GOT2: variants seen among roughly 807,000 people sequenced by gnomAD.
GOT2 encodes aspartate aminotransferase, mitochondrial.
GOT2 carries 17 observed loss-of-function variants against 50.0 expected under a neutral mutation model. The ratio of observed to expected loss-of-function variants is 0.34; its 90% confidence interval spans 0.23 to 0.51. The LOEUF is 0.51. GOT2 is among the 20% of genes least tolerant of loss of function. The pLI, the probability that GOT2 is intolerant of heterozygous loss-of-function variation, is 0.97. For missense variants in GOT2, 430 were observed against 559.6 expected (o/e 0.77, Z 2.34); for synonymous variants, 172 against 204.9 (o/e 0.84, Z 1.37).
chr16:58,734,160 G>T lies in GOT2; in HGVS notation c.69C>A (p.Ala23=). 7.5e-7 allele frequency: 1 copy of T among 1,333,056 alleles called. No individual in the cohort carries two copies. The allele number at this position is 1,333,056 out of a possible 1,614,324, so 82.6% of individuals were successfully genotyped here. A position where few individuals can be genotyped will look rare whatever the true frequency, so the allele number is the denominator to read the frequency against. Residue 23 remains alanine, a synonymous_variant, in exon 1 of 10, where the codon GCC becomes GCA. Transcript: ENST00000245206. ...IAAAFHPGLA[A]AASARASSWW... The stretch of plus-strand genomic sequence containing the variant: ...CTTACCTGGCTCTGGCAGAGGCCGC[G>T]GCGGCGAGGCCCGGGTGGAAGGCGG...
intron 8 of GOT2, among the ~76,000 whole-genome samples, chr16:58,713,515 A>G (rs1048652397): frequency 6.6e-6 from 1 of 152,122 alleles, no homozygotes; most frequent in Non-Finnish European, 1.5e-5. Context: ...ACAAAACAAA[A>G]AACAAAAAAA....
At chr16:58,709,158 A>C in intron 9 of GOT2, 1 of 303,338 alleles carries the variant, frequency 3.3e-6, no homozygotes, top group Non-Finnish European at 6.1e-6. Flanking sequence ...GCTGCTCGGG[A>C]GGCTGAGGCA....
chr16:58,725,686 T>C (rs2044777972), intron 1 of GOT2, among the ~76,000 whole-genome samples: 1 of 152,210 alleles, frequency 6.6e-6, no homozygotes, highest in Non-Finnish European at 1.5e-5. Flanking sequence ...CTGTAGAAGT[T>C]GTACTGCGTG....
rs952010066 is a variant in GOT2 at position 58,708,305 on chromosome 16, A to T, written c.1171-12T>A. 1 of 1,613,030 alleles carries T rather than the reference A, an allele frequency of 6.2e-7. No individual in the cohort carries two copies. Among genetic ancestry groups the T allele is most frequent in the Non-Finnish European group, 8.5e-7 (1 of 1,179,450 alleles). On this transcript the variant is annotated splice_polypyrimidine_tract_variant and intron_variant, in intron 9 of 9. Coordinates refer to ENST00000245206, the MANE Select transcript of GOT2 (RefSeq NM_002080.4). ...ATCAGCCGCTCCACCTGCAGAGAGGAAAGAACTTGGGTACCTCTTCCCGGT... is the reference window on the plus strand; with the variant it reads ...ATCAGCCGCTCCACCTGCAGAGAGGTAAGAACTTGGGTACCTCTTCCCGGT...
chr16:58,712,543 C>CAAT (rs920922829), intron 8 of GOT2, among the ~76,000 whole-genome samples: 9 of 151,924 alleles, frequency 5.9e-5, no homozygotes, highest in Non-Finnish European at 1.3e-4. Context: ...ACAACAACAA[C>CAAT]AACAAGAACA....
At chr16:58,711,072 T>A (rs911397977) in intron 8 of GOT2, among the ~76,000 whole-genome samples, 3 of 152,114 alleles carry the variant, frequency 2.0e-5, no homozygotes, top group Non-Finnish European at 2.9e-5. Flanking sequence ...GACCTTATTT[T>A]TGACATGGAT....
At chr16:58,715,172 C>T (rs1308122385) in intron 8 of GOT2, among the ~76,000 whole-genome samples, 1 of 152,112 alleles carries the variant, frequency 6.6e-6, no homozygotes, top group Non-Finnish European at 1.5e-5. Context: ...GACAGCAAGA[C>T]CCTGTCTCTA....
intron 1 of GOT2, 43 bp downstream of exon 1, chr16:58,734,097 C>T: frequency 8.6e-7 from 1 of 1,166,530 alleles, no homozygotes; most frequent in Non-Finnish European, 1.1e-6. Context: ...CTCGGCGGGG[C>T]AGGGCCATCG....
intron 2 of GOT2, among the ~76,000 whole-genome samples, 167 bp from the exon 3 acceptor site, chr16:58,722,445 A>T (rs763658426): frequency 7.3e-5 from 11 of 150,178 alleles, no homozygotes; most frequent in Middle Eastern, 3.5e-3. Flanking sequence ...ATCTCGGCTC[A>T]CTGCAACCTC....
intron 3 of GOT2, among the ~76,000 whole-genome samples, chr16:58,719,589 C>T (rs773320393): frequency 9.2e-5 from 14 of 151,942 alleles, no homozygotes; most frequent in Non-Finnish European, 1.6e-4. Context: ...GAGACCCTGT[C>T]TCTACTAAAA....
chr16:58,714,412 C>T (rs958573048), intron 8 of GOT2, among the ~76,000 whole-genome samples: 28 of 152,004 alleles, frequency 1.8e-4, no homozygotes, highest in Non-Finnish European at 2.8e-4. Context: ...ATTAGCCGGG[C>T]GTAGTGGCGG....
chr16:58,707,294 TCA>T lies in GOT2; in HGVS notation c.*875_*876del, dbSNP rs1004931125. The T allele has an allele frequency of 4.6e-5, 7 of 152,268 alleles. No homozygotes were observed. The highest frequency in any genetic ancestry group is 1.7e-4 in the African/African-American group (7 of 41,546). The allele number at this position is 152,268 out of a possible 1,614,324, so 9.4% of individuals were successfully genotyped here. A position where few individuals can be genotyped will look rare whatever the true frequency, so the allele number is the denominator to read the frequency against. ...CTGGTACCACCCTGCGCCGCTGGAC[TCA>T]CAGTGTGAGATGAGAGGCTGCACAC... On this transcript the variant is annotated 3_prime_UTR_variant, in exon 10 of 10. Transcript: ENST00000245206.
At chr16:58,716,855 A>C in intron 6 of GOT2, 42 bp from the exon 7 acceptor site, 1 of 1,584,336 alleles carries the variant, frequency 6.3e-7, no homozygotes, top group Non-Finnish European at 8.7e-7. Context: ...AGTCTTTCTG[A>C]AGAGGCCCCA....
intron 1 of GOT2, among the ~76,000 whole-genome samples, chr16:58,727,146 TC>T: frequency 6.6e-6 from 1 of 152,186 alleles, no homozygotes; most frequent in South Asian, 2.1e-4. Flanking sequence ...AGAGCAAGAC[TC>T]CGTCTCAATA....
intron 1 of GOT2, among the ~76,000 whole-genome samples, chr16:58,730,263 C>G (rs1277606177): frequency 6.6e-6 from 1 of 152,104 alleles, no homozygotes; most frequent in Non-Finnish European, 1.5e-5. Flanking sequence ...GTTTGGTGTA[C>G]AGATAATTTC....
rs768293796 is a variant in GOT2, at chr16:58,709,470, G to T, written c.1117C>A (p.His373Asn). 6.2e-7 allele frequency: 1 copy of T among 1,614,032 alleles called. No homozygotes were observed. ...AACATGCCAATTTGGTCGGTGATGTGTTGCCAATTGTGGGTGGAACCCTCC... is the reference window on the plus strand; with the variant it reads ...AACATGCCAATTTGGTCGGTGATGTTTTGCCAATTGTGGGTGGAACCCTCC... The part of the protein sequence containing the change: ...KKEGSTHNWQ[H>N]ITDQIGMFCF... Residue 373 changes from histidine to asparagine, a missense_variant, in exon 9 of 10, where the codon CAC becomes AAC. By Grantham distance (68) the His-to-Asn change is moderately conservative (BLOSUM62 1). Coordinates refer to ENST00000245206, the MANE Select transcript of GOT2 (RefSeq NM_002080.4).
intron 8 of GOT2, 32 bp from the exon 9 acceptor site, chr16:58,709,599 T>A: frequency 6.3e-7 from 1 of 1,597,790 alleles, no homozygotes; most frequent in Non-Finnish European, 8.6e-7. Context: ...CAGCTCATTC[T>A]GCCTAAGCAC....
At chr16:58,718,339 T>C (rs756525950) in intron 5 of GOT2, 39 bp from the exon 6 acceptor site, 15 of 1,523,152 alleles carry the variant, frequency 9.8e-6, no homozygotes, top group Non-Finnish European at 5.5e-6. Flanking sequence ...TTTGCAGCTT[T>C]AAAGGAAATG....
intron 4 of GOT2, 41 bp from the exon 5 acceptor site, chr16:58,718,729 G>T: frequency 6.7e-7 from 1 of 1,488,006 alleles, no homozygotes; most frequent in South Asian, 1.3e-5. Flanking sequence ...ATGAACAAAG[G>T]AGAGGCAAAA....
Sources: allele counts gnomAD v4.1 joint callset (sites outside exome capture counted in the v4.1 genomes callset), GRCh38; gene constraint gnomAD v4.1.1; transcripts MANE v1.5; gene names NCBI Gene and HGNC (gene_info 2026-07-23, HGNC 2026-07-21).